The following IMMP2L variants were observed in gnomAD, a reference collection of about 807,000 sequenced individuals.
IMMP2L encodes inner mitochondrial membrane peptidase subunit 2.
Under a neutral mutation model 19.3 loss-of-function variants are expected in IMMP2L, and 18 were observed. That is an observed-to-expected ratio of 0.93 (90% CI 0.64 to 1.38). The LOEUF is 1.38. IMMP2L is among the 40% of genes most tolerant of loss of function. IMMP2L has a pLI of 0.00. For missense variants in IMMP2L, 233 were observed against 218.2 expected (o/e 1.07, Z -0.43); for synonymous variants, 76 against 73.0 (o/e 1.04, Z -0.21).
chr7:111,165,357 GAT>G (rs1805706778), intron 3 of IMMP2L, among the ~76,000 whole-genome samples: 1 of 151,932 alleles, frequency 6.6e-6, no homozygotes. Flanking sequence ...GCATTTTGGC[GAT>G]TCTGAATAAC....
intron 5 of IMMP2L, among the ~76,000 whole-genome samples, chr7:110,823,196 A>G (rs1159000016): frequency 6.6e-6 from 1 of 152,130 alleles, no homozygotes; most frequent in Non-Finnish European, 1.5e-5. Flanking sequence ...ATCTCCCAAC[A>G]TTATTCAAAT....
At chr7:111,477,827 G>A (rs1190031000) in intron 3 of IMMP2L, among the ~76,000 whole-genome samples, 1 of 152,124 alleles carries the variant, frequency 6.6e-6, no homozygotes, top group Non-Finnish European at 1.5e-5. Flanking sequence ...GAACACTGGA[G>A]GTGGAGGTTG....
intron 3 of IMMP2L, among the ~76,000 whole-genome samples, chr7:111,366,344 G>GAAAAA (rs34751093): frequency 8.5e-6 from 1 of 118,024 alleles, no homozygotes; most frequent in Non-Finnish European, 1.8e-5. Context: ...AAAAAAGAAA[G>GAAAAA]AAAAAAAAAA....
intron 3 of IMMP2L, among the ~76,000 whole-genome samples, chr7:111,079,670 C>T (rs1288638807): frequency 2.0e-5 from 3 of 152,136 alleles, no homozygotes; most frequent in African/African-American, 4.8e-5. Context: ...TATGATTATA[C>T]ATATATACTG....
chr7:111,403,788 T>C (rs1833677735), intron 3 of IMMP2L, among the ~76,000 whole-genome samples: 1 of 152,164 alleles, frequency 6.6e-6, no homozygotes, highest in Non-Finnish European at 1.5e-5. Context: ...TCCCTTTCTG[T>C]GTAATATTGT....
At chr7:111,331,936 A>C (rs1417704003) in intron 3 of IMMP2L, among the ~76,000 whole-genome samples, 2 of 151,862 alleles carry the variant, frequency 1.3e-5, no homozygotes, top group Non-Finnish European at 2.9e-5. Context: ...AAAGTTAAGC[A>C]AAAAAACTAA....
At chr7:111,082,243 G>C (rs1795944243) in intron 3 of IMMP2L, among the ~76,000 whole-genome samples, 1 of 152,132 alleles carries the variant, frequency 6.6e-6, no homozygotes, top group Non-Finnish European at 1.5e-5. Flanking sequence ...TTTTCTATAT[G>C]TCACACTTCT....
At chr7:111,521,181 TA>T in intron 2 of IMMP2L, 131 bp downstream of exon 2, 1 of 961,688 alleles carries the variant, frequency 1.0e-6, no homozygotes, top group Non-Finnish European at 1.5e-6. Flanking sequence ...TTCAGTAAAG[TA>T]AAATTTCATT....
At chr7:111,032,001 C>T (rs1284250978) in intron 3 of IMMP2L, among the ~76,000 whole-genome samples, 12 of 137,476 alleles carry the variant, frequency 8.7e-5, no homozygotes, top group Non-Finnish European at 3.0e-5. Context: ...TGCAGTGGTG[C>T]GACTTCAGCT....
chr7:110,821,642 G>A (rs1803040256), intron 5 of IMMP2L, among the ~76,000 whole-genome samples: 1 of 152,072 alleles, frequency 6.6e-6, no homozygotes, highest in Admixed American at 6.6e-5. Flanking sequence ...GCTGGGCACA[G>A]TGGCTCACAT....
intron 3 of IMMP2L, among the ~76,000 whole-genome samples, chr7:111,414,648 C>G (rs1377236154): frequency 6.6e-6 from 1 of 151,668 alleles, no homozygotes; most frequent in East Asian, 1.9e-4. Context: ...AAAGAATGAA[C>G]CCTAATGTAT....
intron 3 of IMMP2L, among the ~76,000 whole-genome samples, chr7:111,292,392 A>G (rs552480092): frequency 8.9e-4 from 136 of 152,170 alleles, no homozygotes; most frequent in Middle Eastern, 3.4e-3. Flanking sequence ...ACATTTGTAC[A>G]GTTTGTTTTT....
chr7:111,342,923 A>C (rs1378755954), intron 3 of IMMP2L, among the ~76,000 whole-genome samples: 1 of 152,068 alleles, frequency 6.6e-6, no homozygotes, highest in Non-Finnish European at 1.5e-5. Flanking sequence ...CTACCAAAAC[A>C]AACCATGTAT....
At chr7:111,532,094 C>T (rs1209871038) in intron 1 of IMMP2L, among the ~76,000 whole-genome samples, 1 of 151,946 alleles carries the variant, frequency 6.6e-6, no homozygotes, top group Non-Finnish European at 1.5e-5. Context: ...TAGTAACACT[C>T]AGAACCTAAA....
At chr7:110,942,212 G>A (rs1816806165) in intron 4 of IMMP2L, among the ~76,000 whole-genome samples, 1 of 151,864 alleles carries the variant, frequency 6.6e-6, no homozygotes, top group Non-Finnish European at 1.5e-5. Flanking sequence ...AACATAATGT[G>A]GGAAGATTTT....
At chr7:111,304,610 T>TATAATGTATGGGTGTATATACATAC (rs1181507395) in intron 3 of IMMP2L, among the ~76,000 whole-genome samples, 37 of 151,790 alleles carry the variant, frequency 2.4e-4, no homozygotes, top group African/African-American at 8.5e-4. Context: ...TATATACATA[T>TATAATGTATGGGTGTATATACATAC]ATAATGTATG....
chr7:110,838,809 A>G (rs994767720), intron 5 of IMMP2L, among the ~76,000 whole-genome samples: 2 of 152,190 alleles, frequency 1.3e-5, no homozygotes, highest in Non-Finnish European at 2.9e-5. Flanking sequence ...GAGTCCAGTT[A>G]TATGTTCTAA....
At chr7:110,806,423 G>A (rs1255717159) in intron 5 of IMMP2L, among the ~76,000 whole-genome samples, 3 of 151,916 alleles carry the variant, frequency 2.0e-5, no homozygotes, top group African/African-American at 7.2e-5. Context: ...AGGAAGATAT[G>A]CTATGGATCC....
In IMMP2L at chr7:110,933,348, G is replaced by A. The variant is rs191890127; in HGVS notation, c.305+30152C>T. ...CCCAGGCAGATATAACTGGAGGGAA[G>A]GTTCAGTTAAGTTTGTGAGGTTTGT... On this transcript the variant is annotated intron_variant, in intron 4 of 5. Transcript: ENST00000405709. Among the ~76,000 whole-genome samples, 264 of 152,242 alleles carry A rather than the reference G, an allele frequency of 1.7e-3. 1 individual carries two copies. The highest frequency in any genetic ancestry group is 6.1e-3 in the African/African-American group (254 of 41,552).
Sources: allele counts gnomAD v4.1 joint callset (sites outside exome capture counted in the v4.1 genomes callset), GRCh38; gene constraint gnomAD v4.1.1; transcripts MANE v1.5; gene names NCBI Gene and HGNC (gene_info 2026-07-23, HGNC 2026-07-21).